C1GALT1: variants seen among roughly 807,000 people sequenced by gnomAD.
C1GALT1 encodes the protein glycoprotein-N-acetylgalactosamine 3-beta-galactosyltransferase 1.
A neutral mutation model predicts 31.0 loss-of-function variants in C1GALT1; 11 were observed. The ratio of observed to expected loss-of-function variants is 0.36; its 90% CI spans 0.22 to 0.59. The LOEUF is 0.59. Ranked by LOEUF, C1GALT1 falls within the 20% of genes least tolerant of loss-of-function variation. C1GALT1 has a pLI of 0.79. For missense variants in C1GALT1, 424 were observed against 425.2 expected, an observed-to-expected ratio of 1.00 and a Z score of 0.03; for synonymous variants, 175 against 143.6, an observed-to-expected ratio of 1.22 and a Z score of -1.56.
At chr7:7,213,908 GTTC>G (rs1362977570) in intron 1 of C1GALT1, among the ~76,000 whole-genome samples, 16 of 152,134 alleles carry the variant, frequency 1.1e-4, no homozygotes, top group Non-Finnish European at 4.4e-5. Context: ...AGACACTGTA[GTTC>G]TTCTACCATG....
At chr7:7,164,255 G>C (rs1411046010) in intron 2 of C1GALT1, among the ~76,000 whole-genome samples, 1 of 152,192 alleles carries the variant, frequency 6.6e-6, no homozygotes, top group Non-Finnish European at 1.5e-5. Flanking sequence ...GGGGAAACTG[G>C]CTAGCCATAT....
At chr7:7,235,308 G>GT (rs1436439539) in intron 2 of C1GALT1, 1 of 152,132 alleles carries the variant, frequency 6.6e-6, no homozygotes, top group African/African-American at 2.4e-5. Flanking sequence ...CCACTATTCA[G>GT]TTTTTTCTCT....
intron 2 of C1GALT1, among the ~76,000 whole-genome samples, chr7:7,164,578 CAG>C (rs1780372922): frequency 6.6e-6 from 1 of 152,070 alleles, no homozygotes; most frequent in Non-Finnish European, 1.5e-5. Context: ...TGGAAAGAGA[CAG>C]AAGCAGGATT....
intron 3 of C1GALT1, among the ~76,000 whole-genome samples, chr7:7,240,883 T>C (rs974755976): frequency 3.3e-5 from 5 of 152,134 alleles, no homozygotes; most frequent in Admixed American, 2.0e-4. Flanking sequence ...ACTTTTTTTT[T>C]CTATATACTA....
chr7:7,183,024 G>A (rs1361212307), intron 1 of C1GALT1, among the ~76,000 whole-genome samples: 1 of 152,132 alleles, frequency 6.6e-6, no homozygotes, highest in Non-Finnish European at 1.5e-5. Flanking sequence ...CGGAGCCTTA[G>A]CGATCTGCCA....
chr7:7,203,351 A>G (rs1781599984), intron 1 of C1GALT1, among the ~76,000 whole-genome samples: 1 of 151,990 alleles, frequency 6.6e-6, no homozygotes, highest in African/African-American at 2.4e-5. Context: ...GTCCTTTACC[A>G]TGTGTCTGAT....
Position 7,243,866 on chromosome 7 carries a change from A to T in C1GALT1, c.*139A>T. On this transcript the variant is annotated 3_prime_UTR_variant, in exon 4 of 4. Transcript: ENST00000436587. The stretch of plus-strand genomic sequence containing the variant: ...CTTATAGAAACCTTTCACATGAATG[A>T]CTATAAACTGAAGCTTTAAATGAGC... 1 of 597,496 alleles carries T rather than the reference A, an allele frequency of 1.7e-6. No homozygotes were observed. The highest frequency in any genetic ancestry group is 2.8e-6 in the Non-Finnish European group (1 of 355,820). The allele number at this position is 597,496 out of a possible 1,614,324, so 37.0% of individuals were successfully genotyped here. A position where few individuals can be genotyped will look rare whatever the true frequency, so the allele number is the denominator to read the frequency against.
At chr7:7,186,773 A>C (rs1243547060) in intron 1 of C1GALT1, among the ~76,000 whole-genome samples, 1 of 152,204 alleles carries the variant, frequency 6.6e-6, no homozygotes, top group East Asian at 1.9e-4. Context: ...AATGACAAGC[A>C]GTTAGTATTA....
At chr7:7,194,182 T>G (rs1367158334) in intron 1 of C1GALT1, among the ~76,000 whole-genome samples, 6 of 152,168 alleles carry the variant, frequency 3.9e-5, no homozygotes, top group Non-Finnish European at 8.8e-5. Context: ...TCTTGTCTGA[T>G]CCCTCTGGCT....
intron 1 of C1GALT1, among the ~76,000 whole-genome samples, chr7:7,232,311 TTTATTA>T (rs915664728): frequency 3.9e-4 from 59 of 152,196 alleles, no homozygotes; most frequent in African/African-American, 1.3e-3. Context: ...TTGTTTTGTT[TTTATTA>T]TTGTAGTGGT....
intron 2 of C1GALT1, among the ~76,000 whole-genome samples, chr7:7,166,514 G>A (rs553348652): frequency 6.6e-6 from 1 of 152,188 alleles, no homozygotes; most frequent in Admixed American, 6.5e-5. Flanking sequence ...GGTGGGAAGT[G>A]GCAGGAGGAA....
At chr7:7,199,410 T>C (rs1781440159) in intron 1 of C1GALT1, among the ~76,000 whole-genome samples, 1 of 152,206 alleles carries the variant, frequency 6.6e-6, no homozygotes, top group Non-Finnish European at 1.5e-5. Flanking sequence ...AGACAGTTTG[T>C]TATAATTTCT....
intron 1 of C1GALT1, among the ~76,000 whole-genome samples, chr7:7,186,143 CTCTTTCTTTCTT>C (rs55889775): frequency 2.6e-5 from 4 of 150,960 alleles, no homozygotes; most frequent in African/African-American, 7.3e-5. Context: ...TAGCCCAGAA[CTCTTTCTTTCTT>C]TCTTTCTTTC....
At chr7:7,172,149 C>T (rs1780460132) in intron 2 of C1GALT1, among the ~76,000 whole-genome samples, 1 of 152,140 alleles carries the variant, frequency 6.6e-6, no homozygotes, top group African/African-American at 2.4e-5. Context: ...AAACGTTGAA[C>T]TCAACTTTTG....
At chr7:7,188,768 A>G (rs777916478) in intron 1 of C1GALT1, among the ~76,000 whole-genome samples, 4 of 145,104 alleles carry the variant, frequency 2.8e-5, no homozygotes, top group Non-Finnish European at 6.0e-5. Flanking sequence ...TAAAAAATAA[A>G]CCTTTTATCT....
rs1451507339 is a variant in C1GALT1, at chr7:7,160,494, A to G, written c.-18+3068A>G. ...AAGACAAAATGTTACCCTGTTTCTCATGAGAAAGGAGGCTACACTGCTCTT... is the reference window on the plus strand; with the variant it reads ...AAGACAAAATGTTACCCTGTTTCTCGTGAGAAAGGAGGCTACACTGCTCTT... On this transcript the variant is annotated intron_variant, in intron 2 of 3. Transcript: ENST00000429911. Among the ~76,000 whole-genome samples the G allele has an allele frequency of 2.6e-5, 4 of 152,164 alleles. No homozygotes were observed. In the East Asian group the frequency reaches 7.7e-4, roughly 29 times the overall value.
intron 1 of C1GALT1, among the ~76,000 whole-genome samples, chr7:7,223,027 C>A (rs1025988019): frequency 1.6e-4 from 24 of 152,000 alleles, no homozygotes; most frequent in African/African-American, 5.3e-4. Context: ...CTCTCCTATC[C>A]CCCTCTCCAT....
rs890147026 is a variant in C1GALT1, at chr7:7,162,854, C to A, written c.-18+5428C>A. ...CTCATTGTGGTTTTGATTTGCATTT[C>A]TCTGATGGCCAGCGATGGTGAGCAT... On this transcript the variant is annotated intron_variant, in intron 2 of 3. Coordinates refer to the C1GALT1 transcript ENST00000429911. 5.9e-5 allele frequency among the ~76,000 whole-genome samples: 9 copies of A among 152,314 alleles called. No homozygotes were observed. In the Middle Eastern group the frequency reaches 0.017, roughly 288 times the overall value.
At chr7:7,236,310 G>A (rs1482268911) in intron 2 of C1GALT1, among the ~76,000 whole-genome samples, 1 of 152,108 alleles carries the variant, frequency 6.6e-6, no homozygotes, top group Non-Finnish European at 1.5e-5. Context: ...AAGTTCAGCG[G>A]TGGACAAACC....
Sources: allele counts gnomAD v4.1 joint callset (sites outside exome capture counted in the v4.1 genomes callset), GRCh38; gene constraint gnomAD v4.1.1; transcripts MANE v1.5; gene names NCBI Gene and HGNC (gene_info 2026-07-23, HGNC 2026-07-21).